Variants in GALNT1 observed in about 807,000 individuals in gnomAD.
GALNT1 encodes the protein polypeptide N-acetylgalactosaminyltransferase 1.
In GALNT1, 17 loss-of-function variants were observed where a neutral mutation model predicts 65.7. The observed-to-expected ratio is 0.26, with a 90% confidence interval of 0.18 to 0.39. The LOEUF (loss-of-function observed/expected upper bound fraction) is 0.39, where lower values mean the gene tolerates loss of function less well. Ranked by LOEUF, GALNT1 falls within the 10% of genes least tolerant of loss-of-function variation. The pLI, the probability that GALNT1 is intolerant of heterozygous loss-of-function variation, is 1.00. For synonymous variants in GALNT1, 210 were observed against 219.7 expected (o/e 0.96, Z 0.39); for missense variants, 460 against 672.8 (o/e 0.68, Z 3.50).
At chr18:35,586,503 C>T (rs2046379723) in intron 1 of GALNT1, among the ~76,000 whole-genome samples, 1 of 152,104 alleles carries the variant, frequency 6.6e-6, no homozygotes, top group African/African-American at 2.4e-5. Flanking sequence ...GAACTCTTTG[C>T]CTAGCCCTAG....
At chr18:35,644,608 A>C (rs1192059276) in intron 1 of GALNT1, among the ~76,000 whole-genome samples, 1 of 152,180 alleles carries the variant, frequency 6.6e-6, no homozygotes, top group Non-Finnish European at 1.5e-5. Flanking sequence ...TCCCTGCACC[A>C]ATTTTCTTTG....
chr18:35,652,025 C>CTT (rs768694201), intron 1 of GALNT1, among the ~76,000 whole-genome samples: 1 of 145,026 alleles, frequency 6.9e-6, no homozygotes, highest in Admixed American at 6.9e-5. Flanking sequence ...CATAAGTAGC[C>CTT]TTTTTTTTTT....
At position 35,709,885 on chromosome 18, in the gene GALNT1, T is replaced by G; in HGVS notation, c.*115T>G. 8.2e-7 allele frequency: 1 copy of G among 1,221,742 alleles called. No individual in the cohort carries two copies. The allele number at this position is 1,221,742 out of a possible 1,614,324, so 75.7% of individuals were successfully genotyped here. ...AAAAGTGCTTTCCTCCTCTGCAGGATGTAAGGTTTATCAGCCATTAAAACT... is the reference window on the plus strand; with the variant it reads ...AAAAGTGCTTTCCTCCTCTGCAGGAGGTAAGGTTTATCAGCCATTAAAACT... On this transcript the variant is annotated 3_prime_UTR_variant, in exon 12 of 12. Coordinates refer to ENST00000269195, the MANE Select transcript of GALNT1 (RefSeq NM_020474.4).
At chr18:35,657,215 C>T (rs951818349) in intron 2 of GALNT1, among the ~76,000 whole-genome samples, 2 of 152,142 alleles carry the variant, frequency 1.3e-5, no homozygotes, top group African/African-American at 2.4e-5. Context: ...CCTGCCTCAG[C>T]CTCTTGAGTA....
chr18:35,703,724 G>A (rs1470202662), intron 11 of GALNT1, 81 bp downstream of exon 11: 5 of 1,380,278 alleles, frequency 3.6e-6, no homozygotes, highest in Non-Finnish European at 4.9e-6. Context: ...AAAGGAATGA[G>A]TTCTTGTGGA....
intron 1 of GALNT1, among the ~76,000 whole-genome samples, chr18:35,633,129 A>T (rs2047039469): frequency 6.6e-6 from 1 of 152,198 alleles, no homozygotes; most frequent in Admixed American, 6.5e-5. Flanking sequence ...TGTGGAAGAC[A>T]GTGTGGCAAT....
rs2046921995 is a variant in GALNT1, at chr18:35,626,714, C to T, written c.-103-27846C>T. Among the ~76,000 whole-genome samples the T allele has an allele frequency of 2.6e-5, 4 of 152,204 alleles. No individual in the cohort carries two copies. In the South Asian group the frequency reaches 8.3e-4, roughly 32 times the overall value. ...AATCATGAGGGTCCTGCGTGCTCTCCATGTTTTCAATTTGTTATCCTCAGC... is the reference window on the plus strand; with the variant it reads ...AATCATGAGGGTCCTGCGTGCTCTCTATGTTTTCAATTTGTTATCCTCAGC... On this transcript the variant is annotated intron_variant, in intron 1 of 11. Transcript: ENST00000269195.
intron 3 of GALNT1, among the ~76,000 whole-genome samples, chr18:35,676,883 T>C (rs905585261): frequency 1.3e-5 from 2 of 152,208 alleles, no homozygotes; most frequent in African/African-American, 4.8e-5. Context: ...CATACAATTA[T>C]TATGTGGATT....
chr18:35,701,196 C>T (rs1055476190), intron 9 of GALNT1, among the ~76,000 whole-genome samples: 1 of 152,008 alleles, frequency 6.6e-6, no homozygotes, highest in African/African-American at 2.4e-5. Context: ...CTCAGCCTCC[C>T]GAATAACTGG....
chr18:35,626,587 G>T (rs1275667922), intron 1 of GALNT1, among the ~76,000 whole-genome samples: 1 of 152,156 alleles, frequency 6.6e-6, no homozygotes, highest in Non-Finnish European at 1.5e-5. Flanking sequence ...TTTCACTGTA[G>T]TAGCAGAATA....
chr18:35,662,911 T>G (rs1302208734), intron 2 of GALNT1, among the ~76,000 whole-genome samples: 1 of 152,198 alleles, frequency 6.6e-6, no homozygotes, highest in Admixed American at 6.5e-5. Flanking sequence ...ACATTACTTT[T>G]GATGAGAATT....
intron 3 of GALNT1, among the ~76,000 whole-genome samples, chr18:35,669,242 GA>G (rs929790838): frequency 1.2e-4 from 18 of 145,608 alleles, no homozygotes; most frequent in African/African-American, 2.0e-4. Flanking sequence ...CCATCTCGAA[GA>G]AAAAAAAAAA....
chr18:35,646,744 T>TG (rs1459894052), intron 1 of GALNT1, among the ~76,000 whole-genome samples: 4 of 152,228 alleles, frequency 2.6e-5, no homozygotes, highest in African/African-American at 9.7e-5. Flanking sequence ...TGTGTGTTTC[T>TG]TTTAGTCTGT....
intron 1 of GALNT1, among the ~76,000 whole-genome samples, chr18:35,625,086 C>G (rs184861983): frequency 6.6e-6 from 1 of 152,324 alleles, no homozygotes; most frequent in Admixed American, 6.5e-5. Flanking sequence ...GGTGGAGATG[C>G]TGTCTTGTAG....
At chr18:35,707,882 A>G (rs1472460609) in intron 11 of GALNT1, among the ~76,000 whole-genome samples, 1 of 152,250 alleles carries the variant, frequency 6.6e-6, no homozygotes, top group Non-Finnish European at 1.5e-5. Flanking sequence ...GCTGAGCCGC[A>G]GCGCTCTGGC....
intron 1 of GALNT1, among the ~76,000 whole-genome samples, chr18:35,637,988 ATAATT>A (rs1458677786): frequency 6.6e-6 from 1 of 152,234 alleles, no homozygotes; most frequent in Non-Finnish European, 1.5e-5. Flanking sequence ...GGTTTATTGA[ATAATT>A]TAATTCCACT....
intron 2 of GALNT1, among the ~76,000 whole-genome samples, chr18:35,658,709 CTT>C (rs112714564): frequency 4.3e-4 from 59 of 137,460 alleles, no homozygotes; most frequent in Admixed American, 8.1e-4. Context: ...CAAAGTTTCT[CTT>C]TTTTTTTTTT....
upstream of GALNT1, chr18:35,581,701 C>CT: frequency 0.022 from 1 of 46 alleles, no homozygotes; most frequent in Non-Finnish European, 0.05. Context: ...CGGAGCGGGG[C>CT]CCGGCCGGAC....
chr18:35,698,789 C>T (rs2048105405), intron 9 of GALNT1, among the ~76,000 whole-genome samples: 2 of 151,606 alleles, frequency 1.3e-5, no homozygotes, highest in Non-Finnish European at 2.9e-5. Flanking sequence ...CCAGCCTGGC[C>T]AAGATGGTGA....
Sources: allele counts gnomAD v4.1 joint callset (sites outside exome capture counted in the v4.1 genomes callset), GRCh38; gene constraint gnomAD v4.1.1; transcripts MANE v1.5; gene names NCBI Gene and HGNC (gene_info 2026-07-23, HGNC 2026-07-21).